Variants in FGF14 observed in about 807,000 individuals in gnomAD.
FGF14 encodes the protein fibroblast growth factor 14.
In FGF14, 5 loss-of-function variants were observed where a neutral mutation model predicts 25.5. The ratio of observed to expected loss-of-function variants is 0.20; its 90% CI spans 0.10 to 0.41. FGF14 has a LOEUF of 0.41. Among genes scored for constraint, FGF14 ranks in the 10% least tolerant of loss-of-function variants. The pLI is 1.00. For synonymous variants in FGF14, 138 were observed against 118.3 expected, an observed-to-expected ratio of 1.17 and a Z score of -1.08; for missense variants, 222 against 320.1, an observed-to-expected ratio of 0.69 and a Z score of 2.34.
chr13:101,768,056 A>C (rs1027523531), intron 3 of FGF14, among the ~76,000 whole-genome samples: 4 of 152,144 alleles, frequency 2.6e-5, no homozygotes, highest in Non-Finnish European at 5.9e-5. Context: ...CATAAAAGCA[A>C]AACATAAAAA....
chr13:102,277,362 TC>T lies in FGF14; in HGVS notation c.208+124108del, dbSNP rs373396896. Among the ~76,000 whole-genome samples the T allele has an allele frequency of 6.3e-3, 966 of 152,296 alleles. 2 individuals are homozygous for T. The highest frequency in any genetic ancestry group is 0.022 in the African/African-American group (906 of 41,572). On this transcript the variant is annotated intron_variant, in intron 1 of 4. Coordinates refer to the FGF14 transcript ENST00000376131. Reference sequence around the variant, plus strand: ...ACTCACTGTCCTAAAGGAGAGAATGTCCCCCTCTCAGCTATCTCTGGGAAGT... The same window carrying T: ...ACTCACTGTCCTAAAGGAGAGAATGTCCCCTCTCAGCTATCTCTGGGAAGT...
intron 1 of FGF14, among the ~76,000 whole-genome samples, chr13:102,297,877 T>C (rs962708661): frequency 2.0e-5 from 3 of 152,112 alleles, no homozygotes; most frequent in African/African-American, 7.2e-5. Flanking sequence ...TTATCTCTTC[T>C]GTTTTACAGT....
At chr13:102,059,418 A>G (rs2042576491) in intron 1 of FGF14, among the ~76,000 whole-genome samples, 1 of 152,256 alleles carries the variant, frequency 6.6e-6, no homozygotes, top group Non-Finnish European at 1.5e-5. Context: ...ACTGTGGCTC[A>G]CATGCTTTCT....
chr13:102,344,233 T>C (rs560253630), intron 1 of FGF14, among the ~76,000 whole-genome samples: 5 of 152,340 alleles, frequency 3.3e-5, no homozygotes, highest in African/African-American at 1.2e-4. Flanking sequence ...TGTCAGAATA[T>C]TTTTTAAAAG....
At chr13:101,991,337 C>T (rs1267932023) in intron 1 of FGF14, among the ~76,000 whole-genome samples, 1 of 151,980 alleles carries the variant, frequency 6.6e-6, no homozygotes, top group Non-Finnish European at 1.5e-5. Context: ...CAGTGTAAAA[C>T]TTCTATAATT....
chr13:102,245,607 T>C (rs1217784710), intron 1 of FGF14, among the ~76,000 whole-genome samples: 2 of 152,074 alleles, frequency 1.3e-5, no homozygotes, highest in African/African-American at 4.8e-5. Flanking sequence ...TAATTTCCTT[T>C]AGATTGTTAA....
intron 3 of FGF14, among the ~76,000 whole-genome samples, chr13:101,776,642 G>C (rs2039122394): frequency 6.6e-6 from 1 of 152,162 alleles, no homozygotes; most frequent in Non-Finnish European, 1.5e-5. Context: ...AAAACGCATG[G>C]TTCTTCCACA....
chr13:101,806,029 T>C (rs1338067271), intron 3 of FGF14, among the ~76,000 whole-genome samples: 1 of 151,998 alleles, frequency 6.6e-6, no homozygotes, highest in East Asian at 1.9e-4. Context: ...ATATGGAACA[T>C]ACATATACGT....
At chr13:102,031,644 G>GAT (rs1439119214) in intron 1 of FGF14, among the ~76,000 whole-genome samples, 1 of 149,650 alleles carries the variant, frequency 6.7e-6, no homozygotes, top group African/African-American at 2.5e-5. Context: ...TCCCAATACA[G>GAT]ATATAATGAA....
At chr13:101,902,494 A>G (rs1182514073) in intron 1 of FGF14, among the ~76,000 whole-genome samples, 1 of 152,008 alleles carries the variant, frequency 6.6e-6, no homozygotes, top group Non-Finnish European at 1.5e-5. Flanking sequence ...AGCCCACCCC[A>G]TTTTTCCTCA....
At chr13:102,316,549 T>G (rs1223378231) in intron 1 of FGF14, among the ~76,000 whole-genome samples, 1 of 152,186 alleles carries the variant, frequency 6.6e-6, no homozygotes, top group East Asian at 1.9e-4. Flanking sequence ...CTAAACATGT[T>G]AAAACATTGA....
At chr13:101,723,359 T>G (rs2035133016) in intron 4 of FGF14, among the ~76,000 whole-genome samples, 1 of 152,004 alleles carries the variant, frequency 6.6e-6, no homozygotes, top group African/African-American at 2.4e-5. Flanking sequence ...CCACTGCACA[T>G]TAATATCAAC....
At chr13:101,873,086 G>C (rs1210036588) in intron 2 of FGF14, among the ~76,000 whole-genome samples, 20 of 151,572 alleles carry the variant, frequency 1.3e-4, no homozygotes, top group Non-Finnish European at 2.9e-5. Flanking sequence ...TAGTATCTCA[G>C]CTTTCCAGTT....
chr13:101,743,430 A>T (rs61965125), intron 3 of FGF14, among the ~76,000 whole-genome samples: 6,457 of 152,210 alleles, frequency 0.042, 174 homozygotes, highest in Middle Eastern at 0.071. Flanking sequence ...TTAATTAATT[A>T]ATTTATTTAT....
chr13:102,320,708 T>C (rs1233354804), intron 1 of FGF14, among the ~76,000 whole-genome samples: 3 of 152,186 alleles, frequency 2.0e-5, no homozygotes, highest in African/African-American at 7.2e-5. Context: ...CATGGAGATA[T>C]AGCTGAGCAG....
At chr13:102,092,561 A>G (rs115390723) in intron 1 of FGF14, among the ~76,000 whole-genome samples, 4 of 152,350 alleles carry the variant, frequency 2.6e-5, no homozygotes, top group African/African-American at 9.6e-5. Flanking sequence ...TCAAAGTCTA[A>G]GTTATAATGA....
chr13:102,040,886 C>G (rs9557792), intron 1 of FGF14, among the ~76,000 whole-genome samples: 52,906 of 151,874 alleles, frequency 0.35, 9,896 homozygotes, highest in East Asian at 0.73. Flanking sequence ...TGCTTGGATC[C>G]TCATTAAGAT....
At chr13:101,830,544 G>A (rs983286170) in intron 3 of FGF14, among the ~76,000 whole-genome samples, 5 of 152,034 alleles carry the variant, frequency 3.3e-5, no homozygotes, top group African/African-American at 7.2e-5. Flanking sequence ...TACCTCAAGA[G>A]GCGAATTTCG....
intron 1 of FGF14, among the ~76,000 whole-genome samples, chr13:101,880,048 A>C (rs2045613470): frequency 6.6e-6 from 1 of 152,160 alleles, no homozygotes; most frequent in Non-Finnish European, 1.5e-5. Context: ...TTAAGATTAC[A>C]TTGAATTTCC....
Sources: allele counts gnomAD v4.1 joint callset (sites outside exome capture counted in the v4.1 genomes callset), GRCh38; gene constraint gnomAD v4.1.1; transcripts MANE v1.5; gene names NCBI Gene and HGNC (gene_info 2026-07-23, HGNC 2026-07-21).